Variants in KCNQ1 observed in about 807,000 individuals in gnomAD.
KCNQ1 encodes potassium voltage-gated channel subfamily KQT member 1.
In KCNQ1, 49 loss-of-function variants were observed where a neutral mutation model predicts 72.4. That is an observed-to-expected ratio of 0.68 (90% CI 0.54 to 0.86). KCNQ1 has a LOEUF of 0.86. Ranked by LOEUF, KCNQ1 falls within the 40% of genes least tolerant of loss-of-function variation. The pLI is 0.00. For synonymous variants in KCNQ1, 450 were observed against 412.6 expected (o/e 1.09, Z -1.10); for missense variants, 790 against 945.1 (o/e 0.84, Z 2.15).
At chr11:2,685,051 A>C (rs1011465736) in intron 11 of KCNQ1, 2 of 398,542 alleles carry the variant, frequency 5.0e-6, no homozygotes. Flanking sequence ...TCCTGGATTT[A>C]AAATGTATGG....
rs1034850348 is a variant in KCNQ1 at position 2,815,141 on chromosome 11, T to C, written c.1795-32626T>C. 1.3e-5 allele frequency among the ~76,000 whole-genome samples: 2 copies of C among 152,162 alleles called. No individual in the cohort carries two copies. The highest frequency in any genetic ancestry group is 2.9e-5 in the Non-Finnish European group (2 of 68,012). On this transcript the variant is annotated intron_variant, in intron 15 of 15. Coordinates refer to ENST00000155840, the MANE Select transcript of KCNQ1 (RefSeq NM_000218.3). This position sits in a 1 kb window ranked among gnomAD's most constrained non-coding sequence, Gnocchi z 5.4. Reference sequence around the variant, plus strand: ...GCCTTATGTGGTCAGTACCAATCCCTCCCCAAATTACCCCCATGCTCAGGG... The same window carrying C: ...GCCTTATGTGGTCAGTACCAATCCCCCCCCAAATTACCCCCATGCTCAGGG...
At chr11:2,635,756 T>C (rs1185389083) in intron 10 of KCNQ1, 8 of 152,226 alleles carry the variant, frequency 5.3e-5, no homozygotes, top group African/African-American at 9.6e-5. Context: ...GGCATTGAAT[T>C]TATAAATTAC....
At chr11:2,454,193 A>C (rs1056603102) in intron 1 of KCNQ1, among the ~76,000 whole-genome samples, 3 of 152,188 alleles carry the variant, frequency 2.0e-5, no homozygotes, top group African/African-American at 7.2e-5. Flanking sequence ...GAAGCCTCCA[A>C]ATCTTAAAAG....
At chr11:2,700,019 G>C in intron 11 of KCNQ1, 1 of 398,210 alleles carries the variant, frequency 2.5e-6, no homozygotes, top group Non-Finnish European at 4.4e-6. Flanking sequence ...GCAGCGCTCC[G>C]ACTGCCCCCG....
At position 2,848,010 on chromosome 11, in the gene KCNQ1, G is replaced by A. The variant is rs2134097781; in HGVS notation, c.*7G>A. On this transcript the variant is annotated 3_prime_UTR_variant, in exon 16 of 16. Coordinates refer to ENST00000155840, the MANE Select transcript of KCNQ1 (RefSeq NM_000218.3). ...CCCCGATGAGGGGTCCTGAGGAGGG[G>A]ATGGGGCTGGGGGATGGGCCTGAGT... is the stretch of plus-strand genomic sequence containing the variant. 2 of 1,538,392 alleles carry A rather than the reference G, an allele frequency of 1.3e-6. No individual in the cohort carries two copies. Among genetic ancestry groups the A allele is most frequent in the East Asian group, 4.8e-5 (2 of 41,448 alleles).
rs1846940301 is a variant in KCNQ1, at chr11:2,497,367, T to C, written c.387-30561T>C. 6.6e-6 allele frequency among the ~76,000 whole-genome samples: 1 copy of C among 152,208 alleles called. No homozygotes were observed. The highest frequency in any genetic ancestry group is 1.5e-5 in the Non-Finnish European group (1 of 68,036). ...TTCTTGGAGGTTTTGTTCGTTCTTTTTCATCATTTTTTCTCTAATCTTGTC... is the reference window on the plus strand; with the variant it reads ...TTCTTGGAGGTTTTGTTCGTTCTTTCTCATCATTTTTTCTCTAATCTTGTC... On this transcript the variant is annotated intron_variant, in intron 1 of 15. Transcript: ENST00000155840. The surrounding 1 kb of genome is among the most constrained non-coding windows in gnomAD (Gnocchi z 4.5).
At position 2,515,229 on chromosome 11, in the gene KCNQ1, C is replaced by A. The variant is rs963999483; in HGVS notation, c.387-12699C>A. On this transcript the variant is annotated intron_variant, in intron 1 of 15. Coordinates refer to ENST00000155840, the MANE Select transcript of KCNQ1 (RefSeq NM_000218.3). This position sits in a 1 kb window ranked among gnomAD's most constrained non-coding sequence, Gnocchi z 4.7. ...AGTGACCTTTCTCCGTCTTTCTGTCCAAGCATCCCATCTGTCTAGCTTCCA... is the reference window on the plus strand; with the variant it reads ...AGTGACCTTTCTCCGTCTTTCTGTCAAAGCATCCCATCTGTCTAGCTTCCA... 5.3e-5 allele frequency among the ~76,000 whole-genome samples: 8 copies of A among 152,184 alleles called. No individual in the cohort carries two copies. The highest frequency in any genetic ancestry group is 6.5e-5 in the Admixed American group (1 of 15,276).
At position 2,723,952 on chromosome 11, in the gene KCNQ1, C is replaced by T. The variant is rs1023319110; in HGVS notation, c.1515-44892C>T. Among the ~76,000 whole-genome samples the T allele has an allele frequency of 2.6e-5, 4 of 152,166 alleles. No individual in the cohort carries two copies. The highest frequency in any genetic ancestry group is 4.4e-5 in the Non-Finnish European group (3 of 68,036). ...TCTCAGCCTTTGTATCTGCCGTGGG[C>T]GTGGAGGCATTTACTCTTTTCACCG... On this transcript the variant is annotated intron_variant, in intron 11 of 15. Coordinates refer to ENST00000155840, the MANE Select transcript of KCNQ1 (RefSeq NM_000218.3). This position sits in a 1 kb window ranked among gnomAD's most constrained non-coding sequence, Gnocchi z 4.2.
chr11:2,719,972 C>T (rs1297654744), intron 11 of KCNQ1, among the ~76,000 whole-genome samples: 1 of 152,236 alleles, frequency 6.6e-6, no homozygotes, highest in Admixed American at 6.5e-5. Context: ...AGGGTCTGAC[C>T]CCTTGCACGC....
chr11:2,675,823 C>A (rs994261964), intron 11 of KCNQ1: 6 of 398,602 alleles, frequency 1.5e-5, no homozygotes, highest in Non-Finnish European at 2.2e-5. Context: ...CAGGGCTGCA[C>A]ACTGCCCTAC....
chr11:2,721,340 T>TAAAG (rs1851199695), intron 11 of KCNQ1, among the ~76,000 whole-genome samples: 1 of 152,158 alleles, frequency 6.6e-6, no homozygotes, highest in African/African-American at 2.4e-5. Flanking sequence ...CTGCAGCCTT[T>TAAAG]GTTCAGAGGC....
In KCNQ1 at chr11:2,626,969, G is replaced by C; in HGVS notation, c.1394-34992G>C. ...CTTCTTTCTGCAAATAACATCATTA[G>C]GATTTTTATTGGGATTACCTTGGAT... On this transcript the variant is annotated intron_variant, in intron 10 of 15. Transcript: ENST00000155840. The surrounding 1 kb of genome is among the most constrained non-coding windows in gnomAD (Gnocchi z 4.0). 2.5e-6 allele frequency: 1 copy of C among 398,562 alleles called. No individual in the cohort carries two copies. The highest frequency in any genetic ancestry group is 4.4e-6 in the Non-Finnish European group (1 of 226,042). The allele number at this position is 398,562 out of a possible 1,614,324, so 24.7% of individuals were successfully genotyped here. A position where few individuals can be genotyped will look rare whatever the true frequency, so the allele number is the denominator to read the frequency against.
intron 1 of KCNQ1, among the ~76,000 whole-genome samples, chr11:2,476,194 A>G (rs978646869): frequency 6.6e-6 from 1 of 152,230 alleles, no homozygotes; most frequent in African/African-American, 2.4e-5. Context: ...ACTCACAAAC[A>G]TTGATCATAT....
At chr11:2,810,981 T>A (rs191348276) in intron 15 of KCNQ1, among the ~76,000 whole-genome samples, 228 of 152,284 alleles carry the variant, frequency 1.5e-3, no homozygotes, top group African/African-American at 5.2e-3. Context: ...GATGTGTGCC[T>A]CCACAAGGAC....
chr11:2,558,792 T>C (rs1848112808), intron 2 of KCNQ1, among the ~76,000 whole-genome samples: 1 of 152,100 alleles, frequency 6.6e-6, no homozygotes, highest in East Asian at 1.9e-4. Flanking sequence ...CTCCCCTCCA[T>C]GGGTGGGCAG....
At position 2,659,932 on chromosome 11, in the gene KCNQ1, G is replaced by A. The variant is rs1849921343; in HGVS notation, c.1394-2029G>A. ...GTTGTAAGCATTCTTTATATATTCT[G>A]AGTGCAAGTCCTTGACCTGATAGGT... On this transcript the variant is annotated intron_variant, in intron 10 of 15. Transcript: ENST00000155840. The surrounding 1 kb of genome is among the most constrained non-coding windows in gnomAD (Gnocchi z 4.3). The A allele has an allele frequency of 5.0e-6, 2 of 398,220 alleles. No homozygotes were observed. Among genetic ancestry groups the A allele is most frequent in the South Asian group, 1.3e-4 (1 of 7,848 alleles). The allele number at this position is 398,220 out of a possible 1,614,324, so 24.7% of individuals were successfully genotyped here.
Position 2,745,430 on chromosome 11 carries a change from G to C in KCNQ1, c.1515-23414G>C, listed in dbSNP as rs775299341. Among the ~76,000 whole-genome samples, 14 of 152,086 alleles carry C rather than the reference G, an allele frequency of 9.2e-5. No individual in the cohort carries two copies. The highest frequency in any genetic ancestry group is 2.0e-4 in the Admixed American group (3 of 15,256). On this transcript the variant is annotated intron_variant, in intron 11 of 15. Coordinates refer to ENST00000155840, the MANE Select transcript of KCNQ1 (RefSeq NM_000218.3). This position sits in a 1 kb window ranked among gnomAD's most constrained non-coding sequence, Gnocchi z 6.2. ...TTTTTCTCCCAGGAGTTTATTGCTG[G>C]TATAAAGAAATGCCATTGATTTGGG... is the stretch of plus-strand genomic sequence containing the variant.
rs1484201583 is a variant in KCNQ1, at chr11:2,642,523, C to CT, written c.1394-19433dup. On this transcript the variant is annotated intron_variant, in intron 10 of 15. Coordinates refer to ENST00000155840, the MANE Select transcript of KCNQ1 (RefSeq NM_000218.3). The surrounding 1 kb of genome is among the most constrained non-coding windows in gnomAD (Gnocchi z 4.3). ...TTCATGGTATGAGTTGTAATATCCC[C>CT]TTTTTCATTTTTGATTTTATTCATG... 5.0e-6 allele frequency: 2 copies of CT among 397,682 alleles called. No homozygotes were observed. Among genetic ancestry groups the CT allele is most frequent in the African/African-American group, 4.1e-5 (2 of 48,572 alleles). The allele number at this position is 397,682 out of a possible 1,614,324, so 24.6% of individuals were successfully genotyped here.
intron 11 of KCNQ1, among the ~76,000 whole-genome samples, chr11:2,740,399 G>A (rs1846032591): frequency 6.6e-6 from 1 of 152,212 alleles, no homozygotes; most frequent in Non-Finnish European, 1.5e-5. Flanking sequence ...ACAATGTTAA[G>A]CAAACAATAG....
Sources: gnomAD v4.1 joint callset for allele counts (sites outside exome capture counted in the v4.1 genomes callset) on GRCh38, gnomAD v4.1.1 for gene constraint, Gnocchi (gnomAD v3.1) non-coding constraint, MANE v1.5 for transcripts, NCBI Gene and HGNC (gene_info 2026-07-23, HGNC 2026-07-21) for gene names.